SLC2A9: variants seen among roughly 807,000 people sequenced by gnomAD.
The protein encoded by SLC2A9 is solute carrier family 2, facilitated glucose transporter member 9.
A neutral mutation model predicts 50.6 loss-of-function variants in SLC2A9; 39 were observed. The ratio of observed to expected loss-of-function variants is 0.77; its 90% confidence interval spans 0.60 to 1.01. The LOEUF (loss-of-function observed/expected upper bound fraction) is 1.01. Ranked by LOEUF, SLC2A9 falls within the 50% of genes least tolerant of loss-of-function variation. The probability of loss-of-function intolerance (pLI) is 0.00; values close to 1 mark genes in which losing one functional copy is unlikely to be tolerated. For synonymous variants in SLC2A9, 324 were observed against 276.9 expected (o/e 1.17, Z -1.69); for missense variants, 686 against 677.6 (o/e 1.01, Z -0.14).
chr4:9,795,866 AGGGCCAT>A (rs1720537208), downstream of SLC2A9, among the ~76,000 whole-genome samples: 4 of 152,282 alleles, frequency 2.6e-5, no homozygotes, highest in African/African-American at 9.6e-5. Context: ...GCATGAGCAG[AGGGCCAT>A]GGTCATGGGC....
chr4:9,875,540 C>T (rs1159630534), intron 10 of SLC2A9, among the ~76,000 whole-genome samples: 1 of 152,238 alleles, frequency 6.6e-6, no homozygotes, highest in East Asian at 1.9e-4. Flanking sequence ...TTCACCCAGA[C>T]ACACATCTCC....
chr4:10,039,646 C>T (rs1764216885), intron 1 of SLC2A9, among the ~76,000 whole-genome samples: 1 of 152,172 alleles, frequency 6.6e-6, no homozygotes, highest in Non-Finnish European at 1.5e-5. Flanking sequence ...TCCCCTCCAT[C>T]CCCACTGTCA....
At chr4:9,896,215 C>T (rs572353010) in intron 8 of SLC2A9, among the ~76,000 whole-genome samples, 2 of 152,228 alleles carry the variant, frequency 1.3e-5, no homozygotes, top group Admixed American at 1.3e-4. Flanking sequence ...TATGTTCCCA[C>T]CAGCAGTGGA....
chr4:9,937,816 G>T (rs1747363070), intron 6 of SLC2A9, among the ~76,000 whole-genome samples: 1 of 152,256 alleles, frequency 6.6e-6, no homozygotes. Context: ...GTTGTTGGTG[G>T]GTGTGTTTGG....
At chr4:9,800,021 A>G (rs1577319846) in intron 3 of SLC2A9, among the ~76,000 whole-genome samples, 1 of 152,210 alleles carries the variant, frequency 6.6e-6, no homozygotes, top group Non-Finnish European at 1.5e-5. Flanking sequence ...TCCCTTGGTC[A>G]CTACTGTAAG....
At chr4:10,016,029 G>C (rs965728593) in intron 2 of SLC2A9, among the ~76,000 whole-genome samples, 1 of 152,174 alleles carries the variant, frequency 6.6e-6, no homozygotes, top group African/African-American at 2.4e-5. Flanking sequence ...TGGACTCAAG[G>C]CCTCCTCGGG....
chr4:10,009,127 G>A (rs1761332814), intron 2 of SLC2A9, among the ~76,000 whole-genome samples: 1 of 152,104 alleles, frequency 6.6e-6, no homozygotes, highest in Admixed American at 6.5e-5. Flanking sequence ...CTTGAGCCCT[G>A]CTATGCCTCC....
rs758180916 is a variant in SLC2A9, at chr4:9,985,662, C to T, written c.535+7G>A. The T allele has an allele frequency of 1.2e-6, 2 of 1,613,982 alleles. No individual in the cohort carries two copies. Among genetic ancestry groups the T allele is most frequent in the South Asian group, 1.1e-5 (1 of 91,076 alleles). On this transcript the variant is annotated splice_region_variant and intron_variant, in intron 4 of 11. Transcript: ENST00000264784. Reference sequence around the variant, plus strand: ...ACTGTTCCCTCCCCGTCATGGTGAACTCTCACCTCCATCTATGCCCATGAT... The same window carrying T: ...ACTGTTCCCTCCCCGTCATGGTGAATTCTCACCTCCATCTATGCCCATGAT...
At chr4:9,775,781 T>C (rs1414185913), downstream of SLC2A9, among the ~76,000 whole-genome samples, 4 of 152,192 alleles carry the variant, frequency 2.6e-5, no homozygotes, top group African/African-American at 7.2e-5. Flanking sequence ...CATGAGACAA[T>C]TCAAACTCTT....
At chr4:9,771,451 C>G (rs1380681234) in intron 1 of SLC2A9, 2 of 398,784 alleles carry the variant, frequency 5.0e-6, no homozygotes, top group Non-Finnish European at 8.9e-6. Flanking sequence ...TGCTCACATT[C>G]CTGTTTTCCA....
intron 6 of SLC2A9, among the ~76,000 whole-genome samples, chr4:9,927,483 C>G (rs1163998351): frequency 6.6e-6 from 1 of 152,224 alleles, no homozygotes; most frequent in African/African-American, 2.4e-5. Context: ...AGGGACTTCA[C>G]GTGGAGCATA....
chr4:9,984,145 T>C (rs1280437422), intron 4 of SLC2A9, among the ~76,000 whole-genome samples: 1 of 152,228 alleles, frequency 6.6e-6, no homozygotes, highest in Non-Finnish European at 1.5e-5. Flanking sequence ...AGACAAATGA[T>C]TGAGGAGTCA....
Position 9,805,359 on chromosome 4 carries a change from G to GT in SLC2A9, n.421-6119dup, listed in dbSNP as rs1387835454. On this transcript the variant is annotated intron_variant and non_coding_transcript_variant, in intron 3 of 3. Coordinates refer to the SLC2A9 transcript ENST00000503280. ...CGCAACACACATCATGCCCATCTGT[G>GT]TTTCATTGGCTAAGCAAAACCTCCT... Among the ~76,000 whole-genome samples the GT allele has an allele frequency of 3.3e-5, 5 of 152,302 alleles. No homozygotes were observed. In the East Asian group the frequency reaches 9.6e-4, roughly 29 times the overall value.
chr4:9,955,091 G>C (rs78768193), intron 5 of SLC2A9, among the ~76,000 whole-genome samples: 2,104 of 152,240 alleles, frequency 0.014, 22 homozygotes, highest in Middle Eastern at 0.054. Context: ...AACACACGGC[G>C]TGTGCGGCCC....
intron 1 of SLC2A9, among the ~76,000 whole-genome samples, chr4:10,028,142 C>CCAGG (rs2109586115): frequency 6.6e-6 from 1 of 152,302 alleles, no homozygotes; most frequent in East Asian, 1.9e-4. Context: ...AGCTGCCACA[C>CCAGG]CAGGCCACTC....
At chr4:9,881,055 C>T (rs1335596661) in intron 10 of SLC2A9, among the ~76,000 whole-genome samples, 1 of 152,232 alleles carries the variant, frequency 6.6e-6, no homozygotes, top group Non-Finnish European at 1.5e-5. Flanking sequence ...GTGTCTCACC[C>T]TGCACTCCGG....
At chr4:10,018,696 C>G (rs959807806) in intron 2 of SLC2A9, among the ~76,000 whole-genome samples, 3 of 151,946 alleles carry the variant, frequency 2.0e-5, no homozygotes, top group Admixed American at 6.6e-5. Flanking sequence ...CCCCACCCCA[C>G]CCCGGGACTT....
intron 1 of SLC2A9, among the ~76,000 whole-genome samples, chr4:9,772,819 TTTTTTA>T (rs982043375): frequency 3.3e-5 from 2 of 61,420 alleles, no homozygotes; most frequent in African/African-American, 9.5e-5. Flanking sequence ...TTTTATTTTT[TTTTTTA>T]TTTTTTTTTT....
chr4:9,897,986 A>C (rs1056205161), intron 8 of SLC2A9, among the ~76,000 whole-genome samples: 1 of 152,208 alleles, frequency 6.6e-6, no homozygotes, highest in Non-Finnish European at 1.5e-5. Flanking sequence ...CTGCCAACTA[A>C]GAAACACCCA....
Sources: allele counts gnomAD v4.1 joint callset (sites outside exome capture counted in the v4.1 genomes callset), GRCh38; gene constraint gnomAD v4.1.1; transcripts MANE v1.5; gene names NCBI Gene and HGNC (gene_info 2026-07-23, HGNC 2026-07-21).